The following EIF4E2 variants were observed in gnomAD, a reference collection of about 807,000 sequenced individuals.
EIF4E2 encodes eukaryotic translation initiation factor 4E family member 2.
Under a neutral mutation model 34.2 loss-of-function variants are expected in EIF4E2, and 13 were observed. The ratio of observed to expected loss-of-function variants is 0.38; its 90% CI spans 0.25 to 0.60. EIF4E2 has a LOEUF of 0.60. EIF4E2 is among the 20% of genes least tolerant of loss of function. The probability of loss-of-function intolerance (pLI) is 0.62; values close to 1 mark genes in which losing one functional copy is unlikely to be tolerated. For synonymous variants in EIF4E2, 100 were observed against 106.6 expected (o/e 0.94, Z 0.38); for missense variants, 222 against 315.1 (o/e 0.70, Z 2.24).
At chr2:232,574,378 A>G (rs1693160368) in intron 6 of EIF4E2, 6 of 1,543,380 alleles carry the variant, frequency 3.9e-6, no homozygotes, top group Admixed American at 2.0e-5. Context: ...ACCCTGTGAC[A>G]TACCTCTCAT....
intron 1 of EIF4E2, among the ~76,000 whole-genome samples, chr2:232,556,034 G>T (rs539094588): frequency 2.1e-4 from 32 of 149,198 alleles, no homozygotes; most frequent in South Asian, 1.5e-3. Flanking sequence ...AGGAGAAGTG[G>T]CAAAGCAGAT....
chr2:232,557,174 G>A (rs1457926251), intron 2 of EIF4E2, among the ~76,000 whole-genome samples: 1 of 152,230 alleles, frequency 6.6e-6, no homozygotes, highest in African/African-American at 2.4e-5. Context: ...GAACCCAGGA[G>A]GCAGAGGTTG....
intron 1 of EIF4E2, among the ~76,000 whole-genome samples, chr2:232,552,060 T>C (rs1174265394): frequency 2.0e-5 from 3 of 152,172 alleles, no homozygotes; most frequent in Non-Finnish European, 4.4e-5. Context: ...GGAACCCTTA[T>C]ACCCCTTCCT....
At chr2:232,572,961 C>T (rs1013827366), downstream of EIF4E2, among the ~76,000 whole-genome samples, 1 of 152,176 alleles carries the variant, frequency 6.6e-6, no homozygotes, top group Non-Finnish European at 1.5e-5. Flanking sequence ...AGGGGTTTCC[C>T]TGGGTCATTG....
At chr2:232,555,711 C>T (rs16829259) in intron 1 of EIF4E2, among the ~76,000 whole-genome samples, 6,320 of 152,058 alleles carry the variant, frequency 0.042, 358 homozygotes, top group African/African-American at 0.12. Context: ...GTGGTGTTTG[C>T]AAATGGCACC....
intron 1 of EIF4E2, chr2:232,553,916 A>G (rs1258112580): frequency 6.6e-6 from 1 of 152,196 alleles, no homozygotes; most frequent in East Asian, 1.9e-4. Flanking sequence ...TCTAGCAAAA[A>G]CAAGATGCTG....
downstream of EIF4E2, chr2:232,569,234 T>C (rs1193002387): frequency 3.6e-6 from 5 of 1,389,496 alleles, no homozygotes; most frequent in East Asian, 2.6e-5. Context: ...TCTTGCTCTT[T>C]ATGGTGCATC....
downstream of EIF4E2, chr2:232,574,141 CTGT>C: frequency 1.0e-6 from 1 of 995,268 alleles, no homozygotes; most frequent in Non-Finnish European, 1.6e-6. Context: ...TCCCAGGTAC[CTGT>C]GGCTCCACTC....
downstream of EIF4E2, among the ~76,000 whole-genome samples, chr2:232,570,329 G>C (rs756151963): frequency 6.6e-6 from 1 of 152,172 alleles, no homozygotes; most frequent in Non-Finnish European, 1.5e-5. Flanking sequence ...TGAGAGATTT[G>C]CTGGAATATG....
At chr2:232,550,884 C>T (rs530314011) in intron 1 of EIF4E2, 140 bp downstream of exon 1, 23 of 883,184 alleles carry the variant, frequency 2.6e-5, no homozygotes, top group Admixed American at 6.0e-5. Flanking sequence ...CTGGCCTGGA[C>T]TGGCGGGGAG....
intron 3 of EIF4E2, among the ~76,000 whole-genome samples, chr2:232,561,205 G>A (rs1367167436): frequency 6.6e-6 from 1 of 151,910 alleles, no homozygotes; most frequent in South Asian, 2.1e-4. Context: ...AGGCCAAGGT[G>A]GGAGGATCGC....
intron 2 of EIF4E2, among the ~76,000 whole-genome samples, chr2:232,557,305 A>G (rs1692557052): frequency 7.1e-6 from 1 of 140,436 alleles, no homozygotes; most frequent in South Asian, 2.2e-4. Context: ...AATATTGAGT[A>G]ACCCTCCAAG....
chr2:232,573,928 G>T, downstream of EIF4E2: 1 of 473,388 alleles, frequency 2.1e-6, no homozygotes, highest in South Asian at 2.0e-5. Flanking sequence ...CTGTAAATTG[G>T]AAGTGTTTTT....
exon 7 of EIF4E2, chr2:232,580,947 T>A (rs1693340319): frequency 6.5e-7 from 1 of 1,550,142 alleles, no homozygotes. Flanking sequence ...ATTGTGAGAG[T>A]ACACAAGCTG....
chr2:232,571,637 A>T (rs1168988329), downstream of EIF4E2, among the ~76,000 whole-genome samples: 1 of 152,168 alleles, frequency 6.6e-6, no homozygotes, highest in Non-Finnish European at 1.5e-5. Flanking sequence ...AGGGTGGGTG[A>T]TTCTCTTTAT....
In EIF4E2 at chr2:232,566,791, A is replaced by G. The variant is rs1226820345; in HGVS notation, c.376-38A>G. The G allele has an allele frequency of 2.5e-6, 4 of 1,612,006 alleles. No homozygotes were observed. The highest frequency in any genetic ancestry group is 3.4e-6 in the Non-Finnish European group (4 of 1,179,422). On this transcript the variant is annotated intron_variant, in intron 4 of 6. Transcript: ENST00000258416. This position sits in a 1 kb window ranked among gnomAD's most constrained non-coding sequence, Gnocchi z 4.9. ...CCTTCATACAAAAAAAGGCTGTGAA[A>G]CCATATTTTAACTTCAGTGCTTTCT...
At chr2:232,574,147 C>T, downstream of EIF4E2, 1 of 1,053,174 alleles carries the variant, frequency 9.5e-7, no homozygotes, top group Non-Finnish European at 1.4e-6. Context: ...GTACCTGTGG[C>T]TCCACTCGGC....
rs187636721 is a variant in EIF4E2 at position 232,565,989 on chromosome 2, G to T, written c.376-840G>T. Among the ~76,000 whole-genome samples the T allele has an allele frequency of 1.5e-3, 224 of 152,028 alleles. 1 individual carries two copies. The highest frequency in any genetic ancestry group is 5.0e-3 in the African/African-American group (207 of 41,486). ...TGCCTGTAGTCCCAGCTACCCAGGA[G>T]GCAGAGACAGGAGAATCGCTTGAAC... On this transcript the variant is annotated intron_variant, in intron 4 of 6. Coordinates refer to ENST00000258416, the MANE Select transcript of EIF4E2 (RefSeq NM_004846.4).
chr2:232,552,797 A>AT (rs1373415695), intron 1 of EIF4E2, among the ~76,000 whole-genome samples: 1 of 68,766 alleles, frequency 1.5e-5, no homozygotes, highest in Non-Finnish European at 3.0e-5. Context: ...CTAGCATTGC[A>AT]GGAAAAAAAA....
Sources: gnomAD v4.1 joint callset for allele counts (sites outside exome capture counted in the v4.1 genomes callset) on GRCh38, gnomAD v4.1.1 for gene constraint, Gnocchi (gnomAD v3.1) non-coding constraint, MANE v1.5 for transcripts, NCBI Gene and HGNC (gene_info 2026-07-23, HGNC 2026-07-21) for gene names.